Variants in SLC35F3 observed in about 807,000 individuals in gnomAD.
SLC35F3 encodes the protein solute carrier family 35 member F3.
Under a neutral mutation model 49.9 loss-of-function variants are expected in SLC35F3, and 25 were observed. The observed-to-expected ratio is 0.50, with a 90% CI of 0.37 to 0.70. The LOEUF (loss-of-function observed/expected upper bound fraction) is 0.70. Ranked by LOEUF, SLC35F3 falls within the 30% of genes least tolerant of loss-of-function variation. The pLI is 0.00. For missense variants in SLC35F3, 525 were observed against 639.8 expected (o/e 0.82, Z 1.94); for synonymous variants, 275 against 265.4 (o/e 1.04, Z -0.35).
intron 3 of SLC35F3, among the ~76,000 whole-genome samples, chr1:234,260,831 C>G (rs934480773): frequency 3.3e-5 from 5 of 152,154 alleles, no homozygotes; most frequent in African/African-American, 1.2e-4. Flanking sequence ...ACCAAAGTTA[C>G]CCAACAGCAA....
intron 5 of SLC35F3, among the ~76,000 whole-genome samples, chr1:234,316,982 C>G (rs1257789267): frequency 6.6e-6 from 1 of 152,208 alleles, no homozygotes; most frequent in Non-Finnish European, 1.5e-5. Context: ...GTTGCAGCAC[C>G]TGGGATAAAA....
chr1:234,273,192 G>A (rs780093145), intron 3 of SLC35F3, among the ~76,000 whole-genome samples: 15 of 152,334 alleles, frequency 9.8e-5, no homozygotes, highest in African/African-American at 2.6e-4. Context: ...TCAATGCATC[G>A]ATTTGAATCA....
chr1:233,972,672 A>G (rs1296154371), intron 2 of SLC35F3, among the ~76,000 whole-genome samples: 1 of 152,200 alleles, frequency 6.6e-6, no homozygotes, highest in Non-Finnish European at 1.5e-5. Flanking sequence ...CATAATTATT[A>G]CAACAGATTC....
At chr1:234,116,818 G>A (rs1665495247) in intron 2 of SLC35F3, among the ~76,000 whole-genome samples, 1 of 152,104 alleles carries the variant, frequency 6.6e-6, no homozygotes, top group Non-Finnish European at 1.5e-5. Context: ...CCAGCCTAGA[G>A]CCCCTTTTAA....
chr1:233,962,819 G>A (rs1662826648), intron 2 of SLC35F3, among the ~76,000 whole-genome samples: 1 of 152,202 alleles, frequency 6.6e-6, no homozygotes, highest in African/African-American at 2.4e-5. Flanking sequence ...CCTTTTCATA[G>A]TTGAGCCTTG....
intron 2 of SLC35F3, among the ~76,000 whole-genome samples, chr1:234,122,596 T>G (rs1241130636): frequency 3.9e-5 from 6 of 152,170 alleles, no homozygotes; most frequent in Non-Finnish European, 8.8e-5. Flanking sequence ...ATTAGGCATT[T>G]GTCCTAATGC....
At chr1:234,019,413 G>A (rs1331080876) in intron 2 of SLC35F3, among the ~76,000 whole-genome samples, 1 of 152,150 alleles carries the variant, frequency 6.6e-6, no homozygotes, top group African/African-American at 2.4e-5. Flanking sequence ...TTACTTTAAG[G>A]AACTGGCTCA....
At chr1:234,033,663 C>G (rs924131059) in intron 2 of SLC35F3, among the ~76,000 whole-genome samples, 2 of 152,130 alleles carry the variant, frequency 1.3e-5, no homozygotes, top group East Asian at 1.9e-4. Context: ...TCAGTTGGCT[C>G]TAAGTATTTG....
chr1:234,157,287 T>C (rs1011450275), intron 2 of SLC35F3, among the ~76,000 whole-genome samples: 2 of 152,158 alleles, frequency 1.3e-5, no homozygotes, highest in Non-Finnish European at 2.9e-5. Context: ...TTCTTTTTTA[T>C]ATTCTCATCT....
intron 3 of SLC35F3, among the ~76,000 whole-genome samples, chr1:234,292,706 T>C (rs1273024539): frequency 1.3e-5 from 2 of 152,204 alleles, no homozygotes; most frequent in Non-Finnish European, 2.9e-5. Context: ...GCTTTGCTGC[T>C]GTTTAGAGTT....
chr1:234,277,435 G>A (rs1423845995), intron 3 of SLC35F3, among the ~76,000 whole-genome samples: 2 of 152,200 alleles, frequency 1.3e-5, no homozygotes, highest in Non-Finnish European at 2.9e-5. Context: ...GCCCAAAGGG[G>A]AATCCCTTTA....
At chr1:234,246,531 A>G (rs1404109685) in intron 3 of SLC35F3, among the ~76,000 whole-genome samples, 2 of 152,248 alleles carry the variant, frequency 1.3e-5, no homozygotes, top group Admixed American at 6.5e-5. Flanking sequence ...TGATAAGAGC[A>G]AACACACGAT....
chr1:234,183,218 A>T (rs1187675345), intron 2 of SLC35F3, among the ~76,000 whole-genome samples: 1 of 142,582 alleles, frequency 7.0e-6, no homozygotes, highest in Non-Finnish European at 1.5e-5. Flanking sequence ...GGGTTTCACC[A>T]TATTGGCCAG....
rs1667088446 is a variant in SLC35F3 at position 234,214,368 on chromosome 1, A to G, written c.284-17049A>G. On this transcript the variant is annotated intron_variant, in intron 2 of 7. Coordinates refer to ENST00000366618, the MANE Select transcript of SLC35F3 (RefSeq NM_173508.4). This position sits in a 1 kb window ranked among gnomAD's most constrained non-coding sequence, Gnocchi z 8.0. ...CGGGCAGCCGGGGAGGCCGGGACTG[A>G]GAGGGGCGAGCCGCTGGTGCTCCCC... The G allele has an allele frequency of 2.2e-6, 3 of 1,350,112 alleles. No homozygotes were observed. The highest frequency in any genetic ancestry group is 2.9e-6 in the Non-Finnish European group (3 of 1,051,790). The allele number at this position is 1,350,112 out of a possible 1,614,324, so 83.6% of individuals were successfully genotyped here.
intron 2 of SLC35F3, among the ~76,000 whole-genome samples, chr1:234,048,772 G>A (rs1664331668): frequency 1.3e-5 from 2 of 152,178 alleles, no homozygotes; most frequent in South Asian, 2.1e-4. Flanking sequence ...GTAAGGTAGA[G>A]CCCAGTGGGT....
chr1:234,036,413 C>A (rs569971602), intron 2 of SLC35F3, among the ~76,000 whole-genome samples: 211 of 152,304 alleles, frequency 1.4e-3, no homozygotes, highest in Middle Eastern at 3.4e-3. Flanking sequence ...ATCTTTGGAT[C>A]TTTTTTCTTG....
chr1:234,028,294 G>A (rs777244125), intron 2 of SLC35F3, among the ~76,000 whole-genome samples: 1 of 152,178 alleles, frequency 6.6e-6, no homozygotes, highest in Admixed American at 6.5e-5. Context: ...TGGAGCCACT[G>A]TGTGGTCTAC....
At chr1:234,208,169 A>G (rs1226825132) in intron 2 of SLC35F3, among the ~76,000 whole-genome samples, 2 of 152,182 alleles carry the variant, frequency 1.3e-5, no homozygotes, top group Admixed American at 6.5e-5. Flanking sequence ...CAAACTCAAG[A>G]TGTTGGCTAT....
At chr1:234,103,216 G>T (rs531970194) in intron 2 of SLC35F3, among the ~76,000 whole-genome samples, 1 of 152,288 alleles carries the variant, frequency 6.6e-6, no homozygotes, top group South Asian at 2.1e-4. Flanking sequence ...ATGAAAAGGT[G>T]ACTAACAAAT....
Sources: gnomAD v4.1 joint callset for allele counts (sites outside exome capture counted in the v4.1 genomes callset) on GRCh38, gnomAD v4.1.1 for gene constraint, Gnocchi (gnomAD v3.1) non-coding constraint, MANE v1.5 for transcripts, NCBI Gene and HGNC (gene_info 2026-07-23, HGNC 2026-07-21) for gene names.